ZC3H12B: variants seen among roughly 807,000 people sequenced by gnomAD.
ZC3H12B encodes the protein probable ribonuclease ZC3H12B.
ZC3H12B carries 7 observed loss-of-function variants against 43.9 expected under a neutral mutation model. That is an observed-to-expected ratio of 0.16 (90% CI 0.09 to 0.30). The LOEUF (loss-of-function observed/expected upper bound fraction) is 0.30, where lower values mean the gene tolerates loss of function less well. ZC3H12B is among the 10% of genes least tolerant of loss of function. The pLI is 1.00. For synonymous variants in ZC3H12B, 222 were observed against 241.7 expected (o/e 0.92, Z 0.76); for missense variants, 475 against 670.2 (o/e 0.71, Z 3.22).
At chrX:65,285,234 C>T in the ZC3H12B span, among the ~76,000 whole-genome samples, 1 of 109,893 alleles carries the variant, frequency 9.1e-6, no homozygotes, top group Non-Finnish European at 1.9e-5. Context: ...GTAATGTACA[C>T]AGTACCTAAT....
the ZC3H12B span, among the ~76,000 whole-genome samples, chrX:65,129,952 G>A: frequency 3.6e-5 from 4 of 111,352 alleles, no homozygotes; most frequent in African/African-American, 1.3e-4. Flanking sequence ...ATATGGTTTT[G>A]TATGAATTGA....
intron 3 of ZC3H12B, among the ~76,000 whole-genome samples, chrX:65,448,298 T>A (rs1040375067): frequency 9.0e-6 from 1 of 111,351 alleles, no homozygotes; most frequent in Non-Finnish European, 1.9e-5. Context: ...CTGGTAGAAA[T>A]GCAAATTATT....
the ZC3H12B span, among the ~76,000 whole-genome samples, chrX:65,222,609 AAT>A: frequency 4.4e-5 from 3 of 68,098 alleles, no homozygotes; most frequent in Non-Finnish European, 7.1e-5. Context: ...GCAAAATAAT[AAT>A]AATAATAATA....
chrX:65,440,377 G>A (rs1040909115), intron 3 of ZC3H12B, among the ~76,000 whole-genome samples: 1 of 112,455 alleles, frequency 8.9e-6, no homozygotes, highest in African/African-American at 3.2e-5. Context: ...AATTAACTGT[G>A]TGGAATGAAC....
upstream of ZC3H12B, among the ~76,000 whole-genome samples, chrX:65,364,409 CAAAAA>C (rs796078421): frequency 1.8e-5 from 1 of 55,815 alleles, no homozygotes; most frequent in African/African-American, 6.9e-5. Context: ...GCTTTACTTC[CAAAAA>C]AAAAAAAAAA....
the ZC3H12B span, among the ~76,000 whole-genome samples, chrX:65,220,498 G>A: frequency 0.11 from 11,935 of 111,375 alleles, 1,521 homozygotes; most frequent in African/African-American, 0.36. Context: ...ATTTAAAGAG[G>A]TGGAAAAGAT....
chrX:65,359,543 T>G, the ZC3H12B span, among the ~76,000 whole-genome samples: 1 of 111,762 alleles, frequency 8.9e-6, no homozygotes, highest in African/African-American at 3.3e-5. Flanking sequence ...GATCAAGACT[T>G]CACTGGAAAA....
At chrX:65,455,633 A>T (rs1377213990) in intron 3 of ZC3H12B, among the ~76,000 whole-genome samples, 2 of 111,639 alleles carry the variant, frequency 1.8e-5, no homozygotes, top group African/African-American at 6.5e-5. Flanking sequence ...AGAATGCCAC[A>T]AAGATACTCC....
chrX:65,346,950 T>A, the ZC3H12B span, among the ~76,000 whole-genome samples: 4 of 112,327 alleles, frequency 3.6e-5, no homozygotes, highest in Admixed American at 3.8e-4. Context: ...TTTTGAGCTC[T>A]GCTAAGGGTC....
the ZC3H12B span, among the ~76,000 whole-genome samples, chrX:65,307,492 T>C: frequency 1.8e-5 from 2 of 111,675 alleles, no homozygotes; most frequent in African/African-American, 6.5e-5. Flanking sequence ...AGAAATACAA[T>C]GTGAGAAATC....
At chrX:65,480,471 C>G (rs1404089426) in intron 3 of ZC3H12B, among the ~76,000 whole-genome samples, 1 of 112,229 alleles carries the variant, frequency 8.9e-6, no homozygotes, top group Non-Finnish European at 1.9e-5. Flanking sequence ...CTATGTATAA[C>G]TAGCTAATGT....
At chrX:65,166,095 C>A in the ZC3H12B span, among the ~76,000 whole-genome samples, 1 of 110,232 alleles carries the variant, frequency 9.1e-6, no homozygotes, top group Non-Finnish European at 1.9e-5. Flanking sequence ...GTGCACAATG[C>A]GCAGGTTTGT....
At chrX:65,198,651 T>A in the ZC3H12B span, among the ~76,000 whole-genome samples, 2 of 111,798 alleles carry the variant, frequency 1.8e-5, no homozygotes, top group African/African-American at 6.5e-5. Context: ...CCTCCATGAG[T>A]TTGAAAATCA....
chrX:65,235,011 AG>A, the ZC3H12B span, among the ~76,000 whole-genome samples: 4 of 111,829 alleles, frequency 3.6e-5, no homozygotes, highest in Non-Finnish European at 7.5e-5. Flanking sequence ...GTCCCTGCAA[AG>A]GACATGGCCT....
chrX:65,382,124 C>T (rs928672882), intron 2 of ZC3H12B, among the ~76,000 whole-genome samples: 1 of 111,514 alleles, frequency 9.0e-6, no homozygotes, highest in South Asian at 3.8e-4. Flanking sequence ...CATCCTGATA[C>T]CAAAGCCGGG....
chrX:65,116,659 A>C, the ZC3H12B span, among the ~76,000 whole-genome samples: 1 of 109,437 alleles, frequency 9.1e-6, no homozygotes, highest in African/African-American at 3.3e-5. Context: ...TTGGTGTGCT[A>C]CACCTGTTAA....
intron 2 of ZC3H12B, among the ~76,000 whole-genome samples, chrX:65,390,247 G>A (rs778981901): frequency 9.1e-6 from 1 of 110,163 alleles, no homozygotes; most frequent in African/African-American, 3.3e-5. Flanking sequence ...TCACACACTG[G>A]GGCTGTCATA....
At chrX:65,276,622 A>T in the ZC3H12B span, among the ~76,000 whole-genome samples, 4 of 111,795 alleles carry the variant, frequency 3.6e-5, no homozygotes. Context: ...AATGAAGGAG[A>T]AATAAAATAT....
chrX:65,240,611 G>C, the ZC3H12B span, among the ~76,000 whole-genome samples: 10 of 111,938 alleles, frequency 8.9e-5, no homozygotes, highest in South Asian at 3.7e-3. Context: ...GCCCTTGCTT[G>C]AGAGCTGTTG....
Sources: gnomAD v4.1 joint callset for allele counts (sites outside exome capture counted in the v4.1 genomes callset) on GRCh38, gnomAD v4.1.1 for gene constraint, MANE v1.5 for transcripts, NCBI Gene and HGNC (gene_info 2026-07-23, HGNC 2026-07-21) for gene names.